The following NTNG1 variants were observed in gnomAD, a reference collection of about 807,000 sequenced individuals.
The protein encoded by NTNG1 is netrin G1.
Under a neutral mutation model 54.0 loss-of-function variants are expected in NTNG1, and 16 were observed. The observed-to-expected ratio is 0.30, with a 90% CI of 0.20 to 0.45. The LOEUF (loss-of-function observed/expected upper bound fraction) is 0.45. Ranked by LOEUF, NTNG1 falls within the 20% of genes least tolerant of loss-of-function variation. NTNG1 has a pLI of 1.00. For missense variants in NTNG1, 530 were observed against 678.7 expected (o/e 0.78, Z 2.43); for synonymous variants, 255 against 263.1 (o/e 0.97, Z 0.30).
intron 7 of NTNG1, among the ~76,000 whole-genome samples, chr1:107,451,543 G>A (rs960921019): frequency 1.3e-5 from 2 of 152,080 alleles, no homozygotes; most frequent in Non-Finnish European, 2.9e-5. Flanking sequence ...AGCCATCTTG[G>A]TTTCGTCTGC....
intron 3 of NTNG1, among the ~76,000 whole-genome samples, chr1:107,357,018 A>G (rs1258007426): frequency 2.6e-5 from 4 of 152,076 alleles, no homozygotes; most frequent in Non-Finnish European, 5.9e-5. Flanking sequence ...TAAAAGACCA[A>G]TCTGATGATG....
At chr1:107,387,956 C>T (rs1273475225) in intron 3 of NTNG1, among the ~76,000 whole-genome samples, 1 of 152,168 alleles carries the variant, frequency 6.6e-6, no homozygotes, top group African/African-American at 2.4e-5. Flanking sequence ...GGAGAGACAA[C>T]TAAGTGTCCC....
intron 2 of NTNG1, among the ~76,000 whole-genome samples, chr1:107,306,270 A>G (rs1262674340): frequency 1.3e-5 from 2 of 152,240 alleles, no homozygotes; most frequent in African/African-American, 2.4e-5. Flanking sequence ...ATGCATCAGT[A>G]TAAAGTTACT....
chr1:107,251,187 AT>A (rs903960377), intron 2 of NTNG1, among the ~76,000 whole-genome samples: 9 of 152,188 alleles, frequency 5.9e-5, no homozygotes, highest in African/African-American at 2.2e-4. Context: ...TTTAAACACT[AT>A]TTTTAAAGGA....
At chr1:107,437,824 T>A (rs1000371844) in intron 7 of NTNG1, among the ~76,000 whole-genome samples, 9 of 152,216 alleles carry the variant, frequency 5.9e-5, no homozygotes, top group African/African-American at 2.2e-4. Context: ...GTGCATTTTA[T>A]ACTTGCAGAA....
intron 2 of NTNG1, among the ~76,000 whole-genome samples, chr1:107,300,372 CA>C (rs1461544114): frequency 6.6e-6 from 1 of 152,118 alleles, no homozygotes; most frequent in Non-Finnish European, 1.5e-5. Context: ...GGCAATATTA[CA>C]TCTGAATCCC....
At chr1:107,328,058 T>C (rs1668069866) in intron 3 of NTNG1, among the ~76,000 whole-genome samples, 1 of 152,152 alleles carries the variant, frequency 6.6e-6, no homozygotes, top group Non-Finnish European at 1.5e-5. Flanking sequence ...AATTTATTCT[T>C]CTTTTGCCAC....
Position 107,278,080 on chromosome 1 carries a change from G to C in NTNG1, c.247-46202G>C, listed in dbSNP as rs1443525981. Among the ~76,000 whole-genome samples, 3 of 152,100 alleles carry C rather than the reference G, an allele frequency of 2.0e-5. No individual in the cohort carries two copies. The East Asian group carries it at 5.8e-4, about 29-fold the overall frequency. The stretch of plus-strand genomic sequence containing the variant: ...TCCCAGCCCCTGCATTTGTCCATGA[G>C]CTCACTACTTCTCTCTGGATATTTT... On this transcript the variant is annotated intron_variant, in intron 2 of 7. Transcript: ENST00000370068.
chr1:107,188,140 T>C (rs1657608130), intron 2 of NTNG1, among the ~76,000 whole-genome samples: 1 of 151,414 alleles, frequency 6.6e-6, no homozygotes, highest in African/African-American at 2.4e-5. Context: ...AAAGTATCAA[T>C]TGATTTTTTT....
intron 2 of NTNG1, among the ~76,000 whole-genome samples, chr1:107,279,621 A>G (rs943833123): frequency 3.3e-5 from 5 of 152,138 alleles, no homozygotes; most frequent in African/African-American, 9.7e-5. Flanking sequence ...TCATCTTTCT[A>G]GAATACATCT....
At chr1:107,393,281 A>G (rs907265372) in intron 3 of NTNG1, among the ~76,000 whole-genome samples, 1 of 152,192 alleles carries the variant, frequency 6.6e-6, no homozygotes, top group Non-Finnish European at 1.5e-5. Flanking sequence ...CTAAATCAGT[A>G]TAAGCTGGTG....
rs181589279 is a variant in NTNG1 at position 107,475,675 on chromosome 1, A to G, written c.1391-4936A>G. On this transcript the variant is annotated intron_variant, in intron 7 of 7. Transcript: ENST00000370068. ...TTCTTTATTGTACCTTCCCCAAAAT[A>G]TATCAGGGACAACTGCCCTTCTTCA... Among the ~76,000 whole-genome samples, 51 of 152,318 alleles carry G rather than the reference A, an allele frequency of 3.3e-4. No individual in the cohort carries two copies. The East Asian group carries it at 8.7e-3, about 26-fold the overall frequency.
intron 2 of NTNG1, among the ~76,000 whole-genome samples, chr1:107,260,045 T>A (rs1449188770): frequency 6.6e-6 from 1 of 152,138 alleles, no homozygotes; most frequent in Admixed American, 6.5e-5. Context: ...ATAGGTTATC[T>A]AAAATATGAC....
chr1:107,296,486 G>A (rs1177656188), intron 2 of NTNG1, among the ~76,000 whole-genome samples: 3 of 151,396 alleles, frequency 2.0e-5, no homozygotes, highest in African/African-American at 7.3e-5. Flanking sequence ...ATTATGCATT[G>A]TGGAATATTG....
chr1:107,459,332 G>C (rs1571006702), intron 7 of NTNG1, among the ~76,000 whole-genome samples: 1 of 152,056 alleles, frequency 6.6e-6, no homozygotes. Context: ...TAACATAAAG[G>C]CCACTAGCTT....
At chr1:107,209,895 T>A (rs6689917) in intron 2 of NTNG1, among the ~76,000 whole-genome samples, 4,083 of 33,658 alleles carry the variant, frequency 0.12, 196 homozygotes, top group African/African-American at 0.26. Flanking sequence ...AGACTTCTTT[T>A]TTTTTTTTTT....
At chr1:107,290,048 T>C (rs1435097721) in intron 2 of NTNG1, among the ~76,000 whole-genome samples, 1 of 152,220 alleles carries the variant, frequency 6.6e-6, no homozygotes, top group Admixed American at 6.5e-5. Flanking sequence ...CAAGTATTAT[T>C]TCTCTGCCAT....
chr1:107,268,578 T>C (rs1187166297), intron 2 of NTNG1, among the ~76,000 whole-genome samples: 1 of 152,052 alleles, frequency 6.6e-6, no homozygotes, highest in Non-Finnish European at 1.5e-5. Flanking sequence ...ATCTGTACTT[T>C]CTAACAAACC....
At chr1:107,440,727 A>T (rs1391310324) in intron 7 of NTNG1, among the ~76,000 whole-genome samples, 1 of 152,156 alleles carries the variant, frequency 6.6e-6, no homozygotes, top group Non-Finnish European at 1.5e-5. Flanking sequence ...GACAAGACGG[A>T]TTCAAGAAAG....
Sources: allele counts gnomAD v4.1 joint callset (sites outside exome capture counted in the v4.1 genomes callset), GRCh38; gene constraint gnomAD v4.1.1; transcripts MANE v1.5; gene names NCBI Gene and HGNC (gene_info 2026-07-23, HGNC 2026-07-21).